CBLN2: variants seen among roughly 807,000 people sequenced by gnomAD.
CBLN2 encodes the protein cerebellin 2 precursor, also known as cerebellin-2.
CBLN2 carries 7 observed loss-of-function variants against 15.0 expected under a neutral mutation model. The ratio of observed to expected loss-of-function variants is 0.47; its 90% CI spans 0.27 to 0.88. The LOEUF is 0.88. Ranked by LOEUF, CBLN2 falls within the 40% of genes least tolerant of loss-of-function variation. CBLN2 has a pLI of 0.14. For synonymous variants in CBLN2, 149 were observed against 135.2 expected (o/e 1.10, Z -0.71); for missense variants, 242 against 304.5 (o/e 0.79, Z 1.53).
chr18:72,547,110 T>TCACACACACA (rs36204454), upstream of CBLN2, among the ~76,000 whole-genome samples: 15 of 148,586 alleles, frequency 1.0e-4, no homozygotes, highest in African/African-American at 2.0e-4. Context: ...AAAGAAAGTG[T>TCACACACACA]CACACACACA....
At chr18:72,627,673 T>G (rs1210752564) in intron 1 of CBLN2, among the ~76,000 whole-genome samples, 1 of 152,230 alleles carries the variant, frequency 6.6e-6, no homozygotes, top group African/African-American at 2.4e-5. Flanking sequence ...GTGATCAAAA[T>G]ATGCGCAAGC....
intron 1 of CBLN2, among the ~76,000 whole-genome samples, chr18:72,605,636 T>G (rs1185635330): frequency 6.6e-6 from 1 of 152,186 alleles, no homozygotes; most frequent in African/African-American, 2.4e-5. Flanking sequence ...TTTCCAAGGG[T>G]CTGGCCCTGG....
intron 1 of CBLN2, among the ~76,000 whole-genome samples, chr18:72,629,471 T>A (rs1428221204): frequency 2.0e-5 from 3 of 151,642 alleles, no homozygotes; most frequent in Admixed American, 1.3e-4. Context: ...TTAAAAAAAA[T>A]AAAAATAAAA....
At chr18:72,558,129 T>C (rs1280565754) in intron 1 of CBLN2, among the ~76,000 whole-genome samples, 1 of 152,168 alleles carries the variant, frequency 6.6e-6, no homozygotes, top group Non-Finnish European at 1.5e-5. Flanking sequence ...AAAATCCTCC[T>C]AGAGAGGATC....
At chr18:72,623,334 T>A (rs2069713622) in intron 1 of CBLN2, among the ~76,000 whole-genome samples, 2 of 152,190 alleles carry the variant, frequency 1.3e-5, no homozygotes. Context: ...GGAGGGTTGG[T>A]ACTTAACTGC....
chr18:72,563,983 A>T (rs1252780933), intron 1 of CBLN2, among the ~76,000 whole-genome samples: 1 of 152,184 alleles, frequency 6.6e-6, no homozygotes, highest in Admixed American at 6.5e-5. Flanking sequence ...CATTGAAACC[A>T]TGTCCACTCG....
intron 1 of CBLN2, among the ~76,000 whole-genome samples, chr18:72,602,326 G>A (rs1195656597): frequency 6.6e-6 from 1 of 152,208 alleles, no homozygotes; most frequent in Non-Finnish European, 1.5e-5. Flanking sequence ...TGGGTCTGGT[G>A]AGGAGAAGGC....
At chr18:72,540,069 C>G in intron 3 of CBLN2, 1 of 152,216 alleles carries the variant, frequency 6.6e-6, no homozygotes, top group Middle Eastern at 3.2e-3. Context: ...AAGGGCAGGA[C>G]TGAGACAGAC....
chr18:72,604,504 T>A (rs2069570488), intron 1 of CBLN2, among the ~76,000 whole-genome samples: 1 of 152,212 alleles, frequency 6.6e-6, no homozygotes. Flanking sequence ...GAAACAGTCA[T>A]ATTCTGTTGC....
chr18:72,609,794 T>A (rs1212848173), intron 1 of CBLN2, among the ~76,000 whole-genome samples: 1 of 152,240 alleles, frequency 6.6e-6, no homozygotes, highest in Non-Finnish European at 1.5e-5. Context: ...TGCCTACTTC[T>A]TGATTGTCTT....
intron 1 of CBLN2, chr18:72,618,848 A>T: frequency 2.7e-6 from 2 of 732,762 alleles, no homozygotes; most frequent in Non-Finnish European, 5.0e-6. Flanking sequence ...AGCCAAAGAG[A>T]TTGAAGTGGT....
At chr18:72,614,009 G>T (rs2069640768) in intron 1 of CBLN2, among the ~76,000 whole-genome samples, 1 of 152,124 alleles carries the variant, frequency 6.6e-6, no homozygotes, top group South Asian at 2.1e-4. Flanking sequence ...GTTACTCCCT[G>T]TCAGAGAGAT....
chr18:72,582,437 C>T (rs186443414), intron 1 of CBLN2, among the ~76,000 whole-genome samples: 1,591 of 152,206 alleles, frequency 0.01, 17 homozygotes, highest in Non-Finnish European at 0.013. Context: ...CTTGTTCTTT[C>T]AGATGTCAGC....
chr18:72,610,266 T>A (rs542733074), intron 1 of CBLN2, among the ~76,000 whole-genome samples: 2 of 152,096 alleles, frequency 1.3e-5, no homozygotes, highest in African/African-American at 4.8e-5. Flanking sequence ...CCAAGCACAC[T>A]CCATTCTGAG....
chr18:72,553,918 T>C (rs910174791), intron 1 of CBLN2, among the ~76,000 whole-genome samples: 1 of 152,234 alleles, frequency 6.6e-6, no homozygotes, highest in African/African-American at 2.4e-5. Context: ...TGAAGACAAC[T>C]GTCAGATTCG....
chr18:72,594,709 C>T (rs1053618727), intron 1 of CBLN2, among the ~76,000 whole-genome samples: 1 of 151,986 alleles, frequency 6.6e-6, no homozygotes, highest in African/African-American at 2.4e-5. Context: ...GATCACATTA[C>T]TTGTTGTTTG....
chr18:72,635,393 A>C (rs1217783404), intron 1 of CBLN2, among the ~76,000 whole-genome samples: 1 of 152,218 alleles, frequency 6.6e-6, no homozygotes, highest in African/African-American at 2.4e-5. Context: ...TGGAGGCTAG[A>C]GTTAACAAGC....
upstream of CBLN2, among the ~76,000 whole-genome samples, chr18:72,549,134 T>C (rs776624230): frequency 6.6e-6 from 1 of 152,104 alleles, no homozygotes; most frequent in African/African-American, 2.4e-5. Flanking sequence ...GTCTCAGCCT[T>C]CCTAGTAGCT....
intron 1 of CBLN2, among the ~76,000 whole-genome samples, chr18:72,628,138 TG>T (rs1369646152): frequency 6.6e-6 from 1 of 152,210 alleles, no homozygotes; most frequent in African/African-American, 2.4e-5. Context: ...TGGTCCTGCC[TG>T]TAGAAGACTC....
Sources: allele counts gnomAD v4.1 joint callset (sites outside exome capture counted in the v4.1 genomes callset), GRCh38; gene constraint gnomAD v4.1.1; transcripts MANE v1.5; gene names NCBI Gene and HGNC (gene_info 2026-07-23, HGNC 2026-07-21).